The following CATSPERD variants were observed in gnomAD, a reference collection of about 807,000 sequenced individuals.
CATSPERD encodes cation channel sperm-associated auxiliary subunit delta.
In CATSPERD, 86 loss-of-function variants were observed where a neutral mutation model predicts 98.1. That is an observed-to-expected ratio of 0.88 (90% CI 0.74 to 1.05). The LOEUF (loss-of-function observed/expected upper bound fraction) is 1.05, where lower values mean the gene tolerates loss of function less well. Ranked by LOEUF, CATSPERD falls within the 50% of genes least tolerant of loss-of-function variation. The probability of loss-of-function intolerance (pLI) is 0.00; values close to 1 mark genes in which losing one functional copy is unlikely to be tolerated. For synonymous variants in CATSPERD, 394 were observed against 390.2 expected, an observed-to-expected ratio of 1.01 and a Z score of -0.12; for missense variants, 995 against 1,005.7, an observed-to-expected ratio of 0.99 and a Z score of 0.14.
intron 5 of CATSPERD, among the ~76,000 whole-genome samples, chr19:5,734,944 C>T (rs186990494): frequency 1.7e-3 from 256 of 152,004 alleles, no homozygotes; most frequent in African/African-American, 5.7e-3. Flanking sequence ...ACACTTCTCA[C>T]GAGGGCTAGG....
At chr19:5,774,354 AT>A (rs1271491045) in intron 20 of CATSPERD, among the ~76,000 whole-genome samples, 1 of 151,412 alleles carries the variant, frequency 6.6e-6, no homozygotes, top group African/African-American at 2.4e-5. Flanking sequence ...CCCCATTACT[AT>A]TTTTTTTCCA....
intron 19 of CATSPERD, 33 bp from the exon 20 acceptor site, chr19:5,772,755 C>T (rs1399546400): frequency 1.9e-6 from 3 of 1,598,404 alleles, no homozygotes; most frequent in Non-Finnish European, 2.6e-6. Flanking sequence ...GTCCCTGCTC[C>T]CTGCACAGCC....
intron 3 of CATSPERD, among the ~76,000 whole-genome samples, chr19:5,728,038 C>CCAA (rs2055639070): frequency 2.3e-5 from 3 of 128,392 alleles, no homozygotes; most frequent in Admixed American, 8.2e-5. Context: ...CCAGTATCTA[C>CCAA]AAAAAAAAAA....
intron 11 of CATSPERD, among the ~76,000 whole-genome samples, chr19:5,750,381 G>A (rs1423720418): frequency 1.3e-4 from 19 of 148,834 alleles, no homozygotes; most frequent in Admixed American, 2.7e-4. Context: ...AATCCAGGAG[G>A]CGGAGCTTGC....
chr19:5,769,546 A>C (rs2056607481), intron 18 of CATSPERD, among the ~76,000 whole-genome samples: 1 of 151,956 alleles, frequency 6.6e-6, no homozygotes, highest in African/African-American at 2.4e-5. Context: ...CCCTCATTGC[A>C]CCCAGCATGA....
At chr19:5,749,792 A>T (rs2145774250) in intron 11 of CATSPERD, among the ~76,000 whole-genome samples, 1 of 149,038 alleles carries the variant, frequency 6.7e-6, no homozygotes, top group South Asian at 2.1e-4. Flanking sequence ...CTTGTGCATT[A>T]TGCCTATCTA....
intron 14 of CATSPERD, among the ~76,000 whole-genome samples, chr19:5,758,854 G>A (rs1027422383): frequency 6.6e-6 from 1 of 151,034 alleles, no homozygotes; most frequent in Non-Finnish European, 1.5e-5. Flanking sequence ...AACCAGGGAG[G>A]TGGAGGTTGC....
At chr19:5,776,795 AC>A (rs1401987789) in intron 21 of CATSPERD, among the ~76,000 whole-genome samples, 1 of 149,548 alleles carries the variant, frequency 6.7e-6, no homozygotes, top group African/African-American at 2.5e-5. Context: ...AATCGCTTGA[AC>A]CCGGGAGGCA....
rs1568375916 is a variant in CATSPERD, at chr19:5,772,818, C to T, written c.1794C>T (p.Ile598=). ...GAAAAGACAGTTTCCAGGAGGTCAT[C>T]GACGCCGAGTATGTGTTACTGGAGG... ...LWRKDSFQEV[I]DAEYVLLEVN... Residue 598 remains isoleucine, a synonymous_variant, in exon 20 of 22, where the codon ATC becomes ATT. Coordinates refer to ENST00000381624, the MANE Select transcript of CATSPERD (RefSeq NM_152784.4). 3 of 1,613,886 alleles carry T rather than the reference C, an allele frequency of 1.9e-6. No homozygotes were observed. Among genetic ancestry groups the T allele is most frequent in the Non-Finnish European group, 2.5e-6 (3 of 1,179,880 alleles).
intron 4 of CATSPERD, among the ~76,000 whole-genome samples, chr19:5,730,498 G>A (rs568477877): frequency 5.6e-4 from 85 of 151,544 alleles, no homozygotes; most frequent in Non-Finnish European, 9.4e-4. Flanking sequence ...GCCTGAGATC[G>A]AGGCACTGCA....
At chr19:5,758,038 C>A in intron 14 of CATSPERD, 106 bp downstream of exon 14, 2 of 884,788 alleles carry the variant, frequency 2.3e-6, no homozygotes, top group Non-Finnish European at 1.7e-6. Flanking sequence ...GTACATAGCC[C>A]GTGGCCGTGC....
intron 8 of CATSPERD, among the ~76,000 whole-genome samples, 165 bp downstream of exon 8, chr19:5,744,675 AC>A (rs1235960567): frequency 6.2e-4 from 94 of 151,996 alleles, no homozygotes; most frequent in African/African-American, 2.1e-3. Flanking sequence ...ATCTCAGCTC[AC>A]TGCAACCTCC....
chr19:5,729,828 T>A (rs751837188), intron 3 of CATSPERD, 44 bp from the exon 4 acceptor site: 13 of 1,223,018 alleles, frequency 1.1e-5, no homozygotes, highest in Non-Finnish European at 1.3e-5. Flanking sequence ...TTTCTTTCCT[T>A]GTGTGACATT....
chr19:5,731,784 C>T (rs2055730148), intron 4 of CATSPERD, among the ~76,000 whole-genome samples: 1 of 150,866 alleles, frequency 6.6e-6, no homozygotes, highest in South Asian at 2.1e-4. Flanking sequence ...ACCTTGTTAG[C>T]CAGGATGGTC....
At chr19:5,735,477 A>AT (rs533041006) in intron 5 of CATSPERD, among the ~76,000 whole-genome samples, 342 of 140,484 alleles carry the variant, frequency 2.4e-3, no homozygotes, top group African/African-American at 5.8e-3. Flanking sequence ...CGCCCAGCTA[A>AT]TTTTTTTTTT....
rs116739754 is a variant in CATSPERD, at chr19:5,757,834, C to A, written c.1279-9C>A. The A allele has an allele frequency of 1.4e-5, 22 of 1,610,696 alleles. No individual in the cohort carries two copies. In the South Asian group the frequency reaches 1.4e-4, roughly 10 times the overall value. ...CCGTACAGCCTGAGCTTCTCTCCCC[C>A]ACTCCCAGGTGATGGTGAGCAACCC... is the stretch of plus-strand genomic sequence containing the variant. On this transcript the variant is annotated splice_polypyrimidine_tract_variant and intron_variant, in intron 13 of 21. Coordinates refer to ENST00000381624, the MANE Select transcript of CATSPERD (RefSeq NM_152784.4).
chr19:5,722,707 C>T (rs2055515885), intron 1 of CATSPERD, among the ~76,000 whole-genome samples: 1 of 143,088 alleles, frequency 7.0e-6, no homozygotes, highest in Non-Finnish European at 1.5e-5. Flanking sequence ...GCAGTGGGAC[C>T]CAGCAAACGG....
intron 6 of CATSPERD, among the ~76,000 whole-genome samples, chr19:5,737,618 G>A (rs562071900): frequency 1.7e-4 from 26 of 149,306 alleles, no homozygotes; most frequent in Admixed American, 1.5e-3. Flanking sequence ...TTGGGAGGCC[G>A]AGGTGGAATC....
chr19:5,732,115 C>A (rs1434196943), intron 4 of CATSPERD, among the ~76,000 whole-genome samples: 3 of 151,432 alleles, frequency 2.0e-5, no homozygotes, highest in African/African-American at 7.3e-5. Flanking sequence ...GAATTACCCC[C>A]AAAATTAGCC....
Sources: allele counts gnomAD v4.1 joint callset (sites outside exome capture counted in the v4.1 genomes callset), GRCh38; gene constraint gnomAD v4.1.1; transcripts MANE v1.5; gene names NCBI Gene and HGNC (gene_info 2026-07-23, HGNC 2026-07-21).